Variants in IL1RAPL2 observed in about 807,000 individuals in gnomAD.
IL1RAPL2 encodes X-linked interleukin-1 receptor accessory protein-like 2.
Under a neutral mutation model 44.1 loss-of-function variants are expected in IL1RAPL2, and 3 were observed. The ratio of observed to expected loss-of-function variants is 0.07; its 90% confidence interval spans 0.03 to 0.18. The LOEUF (loss-of-function observed/expected upper bound fraction) is 0.18. Among genes scored for constraint, IL1RAPL2 ranks in the 10% least tolerant of loss-of-function variants. The pLI is 1.00. For synonymous variants in IL1RAPL2, 181 were observed against 178.8 expected (o/e 1.01, Z -0.10); for missense variants, 391 against 496.4 (o/e 0.79, Z 2.02).
chrX:105,163,841 G>T (rs953385553), intron 2 of IL1RAPL2, among the ~76,000 whole-genome samples: 1 of 110,768 alleles, frequency 9.0e-6, no homozygotes, highest in Non-Finnish European at 1.9e-5. Flanking sequence ...ATGTAAACTT[G>T]TCTGTCATGT....
intron 2 of IL1RAPL2, among the ~76,000 whole-genome samples, chrX:104,733,182 T>C (rs1931953347): frequency 8.9e-6 from 1 of 111,918 alleles, no homozygotes; most frequent in Non-Finnish European, 1.9e-5. Flanking sequence ...TCTTGCCTGC[T>C]ATCACTACCT....
intron 2 of IL1RAPL2, among the ~76,000 whole-genome samples, chrX:104,808,426 G>A (rs1932939634): frequency 8.9e-6 from 1 of 111,763 alleles, no homozygotes; most frequent in Non-Finnish European, 1.9e-5. Flanking sequence ...CCACTTGAAT[G>A]GCAGGCAAAG....
intron 2 of IL1RAPL2, among the ~76,000 whole-genome samples, chrX:104,834,863 C>T (rs1290135878): frequency 9.0e-6 from 1 of 111,687 alleles, no homozygotes; most frequent in Admixed American, 9.6e-5. Flanking sequence ...CAAGCTGCTT[C>T]TTTGGGTGTT....
intron 10 of IL1RAPL2, among the ~76,000 whole-genome samples, chrX:105,762,755 T>G (rs925306783): frequency 1.8e-5 from 2 of 111,809 alleles, no homozygotes; most frequent in African/African-American, 3.3e-5. Context: ...TTAAGGGATA[T>G]CTTATATTTT....
intron 2 of IL1RAPL2, among the ~76,000 whole-genome samples, chrX:104,947,493 C>T (rs1378502084): frequency 2.0e-4 from 20 of 102,481 alleles, no homozygotes; most frequent in Admixed American, 4.3e-4. Context: ...TCCTTGCCCA[C>T]GCCTATGTCC....
intron 2 of IL1RAPL2, among the ~76,000 whole-genome samples, chrX:105,041,342 T>G (rs1424034648): frequency 5.2e-4 from 58 of 110,998 alleles, no homozygotes; most frequent in Middle Eastern, 4.6e-3. Flanking sequence ...GTGCTGAAAA[T>G]AATGTATATT....
chrX:104,885,576 G>A lies in IL1RAPL2; in HGVS notation c.82+226581G>A, dbSNP rs143553654. Reference sequence around the variant, plus strand: ...GAGAAAGCTCCAAAAGCAAGCCCTGGGTCCTGAACAAAATCTGGAGGCATT... The same window carrying A: ...GAGAAAGCTCCAAAAGCAAGCCCTGAGTCCTGAACAAAATCTGGAGGCATT... On this transcript the variant is annotated intron_variant, in intron 2 of 10. Transcript: ENST00000372582. Among the ~76,000 whole-genome samples, 484 of 111,594 alleles carry A rather than the reference G, an allele frequency of 4.3e-3. 1 individual carries two copies. The highest frequency in any genetic ancestry group is 0.015 in the African/African-American group (452 of 30,710).
intron 1 of IL1RAPL2, among the ~76,000 whole-genome samples, chrX:104,636,461 C>A (rs772824644): frequency 1.8e-5 from 2 of 112,310 alleles, no homozygotes; most frequent in African/African-American, 6.5e-5. Flanking sequence ...CAGATGCAGG[C>A]AGGTCTCCTT....
At chrX:104,594,958 C>T (rs768419210) in intron 1 of IL1RAPL2, among the ~76,000 whole-genome samples, 4 of 111,741 alleles carry the variant, frequency 3.6e-5, no homozygotes, top group East Asian at 2.8e-4. Context: ...CAGGTGGCTT[C>T]GTATGGCATG....
chrX:105,208,110 G>A (rs1556154151), intron 3 of IL1RAPL2, among the ~76,000 whole-genome samples: 1 of 111,393 alleles, frequency 9.0e-6, no homozygotes, highest in African/African-American at 3.3e-5. Flanking sequence ...AAAACAGGGA[G>A]GTAAATTTGG....
At chrX:105,410,877 C>T (rs1275561451) in intron 5 of IL1RAPL2, among the ~76,000 whole-genome samples, 1 of 111,506 alleles carries the variant, frequency 9.0e-6, no homozygotes, top group East Asian at 2.8e-4. Flanking sequence ...ACTCAGAATA[C>T]CCCAGTGCTG....
At chrX:104,889,891 C>A (rs1388482253) in intron 2 of IL1RAPL2, among the ~76,000 whole-genome samples, 1 of 111,223 alleles carries the variant, frequency 9.0e-6, no homozygotes, top group African/African-American at 3.3e-5. Context: ...TGTTGGTGTG[C>A]TGCACCTATT....
intron 2 of IL1RAPL2, among the ~76,000 whole-genome samples, chrX:105,107,994 T>G (rs2147563670): frequency 9.0e-6 from 1 of 111,424 alleles, no homozygotes; most frequent in South Asian, 3.9e-4. Flanking sequence ...TTTTGAGCCC[T>G]TCTTCTATTA....
chrX:105,366,104 C>T (rs759930229), intron 5 of IL1RAPL2, among the ~76,000 whole-genome samples: 1 of 110,853 alleles, frequency 9.0e-6, no homozygotes, highest in Non-Finnish European at 1.9e-5. Flanking sequence ...CCTGCCATCA[C>T]GCCTGGCTAA....
intron 6 of IL1RAPL2, among the ~76,000 whole-genome samples, chrX:105,509,651 G>C (rs184857686): frequency 1.8e-5 from 2 of 111,693 alleles, no homozygotes; most frequent in African/African-American, 6.5e-5. Flanking sequence ...TCAATGATTA[G>C]ATGTAGGTTG....
At chrX:104,607,929 C>T (rs376410253) in intron 1 of IL1RAPL2, among the ~76,000 whole-genome samples, 34 of 111,857 alleles carry the variant, frequency 3.0e-4, no homozygotes, top group African/African-American at 1.0e-3. Context: ...CACATGCACA[C>T]GTATGTTTAT....
At chrX:105,108,494 A>ATTTTTTTT (rs71816209) in intron 2 of IL1RAPL2, among the ~76,000 whole-genome samples, 6 of 73,638 alleles carry the variant, frequency 8.1e-5, no homozygotes, top group Non-Finnish European at 7.3e-5. Context: ...CCATGCCCGG[A>ATTTTTTTT]TTTTTTTTTT....
chrX:104,807,323 C>T (rs749638867), intron 2 of IL1RAPL2, among the ~76,000 whole-genome samples: 4 of 111,321 alleles, frequency 3.6e-5, no homozygotes, highest in East Asian at 2.8e-4. Flanking sequence ...TAAGTATTTA[C>T]GGGAATAATA....
At chrX:105,157,125 AG>A (rs1250718621) in intron 2 of IL1RAPL2, among the ~76,000 whole-genome samples, 19 of 109,228 alleles carry the variant, frequency 1.7e-4, no homozygotes, top group East Asian at 2.9e-4. Context: ...AAAAAAAAAA[AG>A]ATCTTTCCTT....
Sources: allele counts gnomAD v4.1 joint callset (sites outside exome capture counted in the v4.1 genomes callset), GRCh38; gene constraint gnomAD v4.1.1; transcripts MANE v1.5; gene names NCBI Gene and HGNC (gene_info 2026-07-23, HGNC 2026-07-21).